NAV3: variants seen among roughly 807,000 people sequenced by gnomAD.
The protein encoded by NAV3 is pore membrane and/or filament interacting like protein 1.
NAV3 carries 87 observed loss-of-function variants against 244.7 expected under a neutral mutation model. The observed-to-expected ratio is 0.36, with a 90% CI of 0.30 to 0.42. The LOEUF is 0.42. NAV3 is among the 20% of genes least tolerant of loss of function. The pLI, the probability that NAV3 is intolerant of heterozygous loss-of-function variation, is 1.00. For missense variants in NAV3, 2,663 were observed against 2,893.3 expected (o/e 0.92, Z 1.83); for synonymous variants, 1,126 against 1,042.2 (o/e 1.08, Z -1.55).
intron 1 of NAV3, among the ~76,000 whole-genome samples, chr12:77,913,224 T>C (rs1375731763): frequency 6.6e-6 from 1 of 152,078 alleles, no homozygotes; most frequent in African/African-American, 2.4e-5. Context: ...GTCACTTAGC[T>C]AGACTAAAAG....
intron 1 of NAV3, among the ~76,000 whole-genome samples, chr12:77,915,461 A>G (rs149424243): frequency 2.3e-3 from 351 of 152,114 alleles, no homozygotes; most frequent in African/African-American, 7.7e-3. Context: ...ATTATCAATT[A>G]TTGTTGAACG....
In NAV3 at chr12:77,889,061, T is replaced by C. The variant is rs145004407; in HGVS notation, c.244-51258T>C. ...CCACCTTTTGTGTGGTGCAATGGTT[T>C]ATTTTATGTGTCAACTTGACTGGAC... On this transcript the variant is annotated intron_variant, in intron 1 of 39. Transcript: ENST00000397909. Among the ~76,000 whole-genome samples, 402 of 152,320 alleles carry C rather than the reference T, an allele frequency of 2.6e-3. 2 individuals are homozygous for C. The highest frequency in any genetic ancestry group is 9.4e-3 in the African/African-American group (389 of 41,564).
chr12:77,576,433 G>C (rs1018408181), intron 2 of NAV3, among the ~76,000 whole-genome samples: 13 of 151,948 alleles, frequency 8.6e-5, no homozygotes, highest in African/African-American at 3.1e-4. Flanking sequence ...GTCTGGGCTT[G>C]GTGTCTGCAT....
rs928251936 is a variant in NAV3 at position 78,210,695 on chromosome 12, G to A, written c.*178G>A. On this transcript the variant is annotated 3_prime_UTR_variant, in exon 40 of 40. Coordinates refer to ENST00000397909, the MANE Select transcript of NAV3 (RefSeq NM_001024383.2). ...AACCGCCAAGATGCTAAATTGCAAT[G>A]GAAGCTTAACTTTAGTTTATTTCTA... 1.5e-6 allele frequency: 1 copy of A among 660,344 alleles called. No homozygotes were observed. Among genetic ancestry groups the A allele is most frequent in the Non-Finnish European group, 2.6e-6 (1 of 390,216 alleles). The allele number at this position is 660,344 out of a possible 1,614,324, so 40.9% of individuals were successfully genotyped here.
intron 2 of NAV3, among the ~76,000 whole-genome samples, chr12:77,659,656 C>G (rs1167429288): frequency 2.0e-5 from 3 of 152,160 alleles, no homozygotes; most frequent in Admixed American, 6.5e-5. Context: ...AAGACACATG[C>G]ACATGTATGT....
chr12:77,736,609 C>G (rs1009380537), intron 2 of NAV3, among the ~76,000 whole-genome samples: 5 of 152,090 alleles, frequency 3.3e-5, no homozygotes, highest in Non-Finnish European at 4.4e-5. Flanking sequence ...TTAGGGCTCA[C>G]AGGGGTGCAA....
chr12:78,057,823 C>T (rs2137382518), intron 11 of NAV3, among the ~76,000 whole-genome samples: 1 of 152,296 alleles, frequency 6.6e-6, no homozygotes, highest in Non-Finnish European at 1.5e-5. Context: ...CTCTGGTCTA[C>T]ACTCAACCAT....
intron 3 of NAV3, among the ~76,000 whole-genome samples, chr12:77,960,809 TA>T (rs551478578): frequency 8.2e-5 from 12 of 146,926 alleles, no homozygotes; most frequent in African/African-American, 2.7e-4. Flanking sequence ...ATATATGTAA[TA>T]AAAATGCATA....
At chr12:77,989,107 C>T (rs908748209) in intron 5 of NAV3, among the ~76,000 whole-genome samples, 11 of 152,110 alleles carry the variant, frequency 7.2e-5, no homozygotes, top group Non-Finnish European at 1.5e-5. Flanking sequence ...TCTGTCCTCC[C>T]TCTATTACTA....
At chr12:77,767,539 TG>T (rs1266532142) in intron 2 of NAV3, among the ~76,000 whole-genome samples, 7 of 151,996 alleles carry the variant, frequency 4.6e-5, no homozygotes, top group African/African-American at 1.7e-4. Flanking sequence ...AGTAGGTGAG[TG>T]TGGGGTCCGG....
intron 34 of NAV3, among the ~76,000 whole-genome samples, chr12:78,190,599 G>A (rs1311546338): frequency 6.6e-6 from 1 of 152,040 alleles, no homozygotes; most frequent in Admixed American, 6.6e-5. Context: ...GTAATAGTTT[G>A]TTGGATCTTA....
intron 18 of NAV3, among the ~76,000 whole-genome samples, chr12:78,132,800 A>C (rs1005210932): frequency 6.6e-6 from 1 of 152,132 alleles, no homozygotes; most frequent in Non-Finnish European, 1.5e-5. Flanking sequence ...AAATCCCATC[A>C]GTGTGCTAGA....
chr12:77,930,150 C>T (rs1888640431), intron 1 of NAV3, among the ~76,000 whole-genome samples: 1 of 152,118 alleles, frequency 6.6e-6, no homozygotes, highest in Non-Finnish European at 1.5e-5. Context: ...TAATATCCTA[C>T]TTTATGAAAT....
intron 1 of NAV3, among the ~76,000 whole-genome samples, chr12:77,903,241 C>T (rs1241171577): frequency 6.6e-6 from 1 of 152,184 alleles, no homozygotes; most frequent in Admixed American, 6.5e-5. Flanking sequence ...TGACTACAAA[C>T]TATATTACAA....
intron 9 of NAV3, among the ~76,000 whole-genome samples, chr12:78,045,204 T>C (rs1158787752): frequency 1.3e-5 from 2 of 152,232 alleles, no homozygotes; most frequent in Non-Finnish European, 2.9e-5. Context: ...TTTTTGCAAT[T>C]GGTTCTCTTT....
At chr12:77,651,605 C>A (rs2136992342) in intron 2 of NAV3, among the ~76,000 whole-genome samples, 1 of 152,296 alleles carries the variant, frequency 6.6e-6, no homozygotes, top group East Asian at 1.9e-4. Context: ...GAGGCTGCTT[C>A]ATCAGAAAGC....
intron 2 of NAV3, among the ~76,000 whole-genome samples, chr12:77,739,622 C>T (rs1364969055): frequency 6.6e-6 from 1 of 152,072 alleles, no homozygotes; most frequent in African/African-American, 2.4e-5. Flanking sequence ...GAAAATTGTA[C>T]CTTACTGATT....
At chr12:77,643,385 A>G (rs561269994) in intron 2 of NAV3, among the ~76,000 whole-genome samples, 9 of 151,950 alleles carry the variant, frequency 5.9e-5, no homozygotes, top group South Asian at 4.2e-4. Flanking sequence ...GGAGCAGGAC[A>G]TATTTACTAA....
chr12:77,841,303 A>G (rs879840595), intron 1 of NAV3, among the ~76,000 whole-genome samples: 6 of 152,218 alleles, frequency 3.9e-5, no homozygotes, highest in African/African-American at 9.6e-5. Flanking sequence ...ACTATGGGCT[A>G]TCTCTTCTTT....
Sources: allele counts gnomAD v4.1 joint callset (sites outside exome capture counted in the v4.1 genomes callset), GRCh38; gene constraint gnomAD v4.1.1; transcripts MANE v1.5; gene names NCBI Gene and HGNC (gene_info 2026-07-23, HGNC 2026-07-21).